The following IL1RAPL2 variants were observed in gnomAD, a reference collection of about 807,000 sequenced individuals.
IL1RAPL2 encodes interleukin 1 receptor accessory protein like 2.
In IL1RAPL2, 3 loss-of-function variants were observed where a neutral mutation model predicts 44.1. The ratio of observed to expected loss-of-function variants is 0.07; its 90% confidence interval spans 0.03 to 0.18. The LOEUF (loss-of-function observed/expected upper bound fraction) is 0.18. Ranked by LOEUF, IL1RAPL2 falls within the 10% of genes least tolerant of loss-of-function variation. IL1RAPL2 has a pLI of 1.00. For synonymous variants in IL1RAPL2, 181 were observed against 178.8 expected (o/e 1.01, Z -0.10); for missense variants, 391 against 496.4 (o/e 0.79, Z 2.02).
intron 2 of IL1RAPL2, among the ~76,000 whole-genome samples, chrX:105,090,299 T>G (rs2032528317): frequency 8.9e-6 from 1 of 111,757 alleles, no homozygotes; most frequent in Admixed American, 9.6e-5. Context: ...CCCACATATA[T>G]GAAAAGTTGG....
chrX:105,314,764 C>T (rs2034824376), intron 5 of IL1RAPL2, among the ~76,000 whole-genome samples: 1 of 111,284 alleles, frequency 9.0e-6, no homozygotes, highest in Non-Finnish European at 1.9e-5. Context: ...TTAAACATAG[C>T]CTGTAGCAAC....
intron 2 of IL1RAPL2, among the ~76,000 whole-genome samples, chrX:105,139,610 A>G (rs2033107591): frequency 9.0e-6 from 1 of 111,586 alleles, no homozygotes; most frequent in South Asian, 3.8e-4. Context: ...CAGGTTGCAA[A>G]TTGCTGGCTT....
chrX:104,580,235 C>T (rs1205942955), intron 1 of IL1RAPL2, among the ~76,000 whole-genome samples: 1 of 112,635 alleles, frequency 8.9e-6, no homozygotes, highest in Admixed American at 9.4e-5. Context: ...TGGCTTCTTA[C>T]ATTGCAAATA....
intron 6 of IL1RAPL2, among the ~76,000 whole-genome samples, chrX:105,529,043 AT>A (rs1239621346): frequency 9.0e-6 from 1 of 111,674 alleles, no homozygotes; most frequent in Non-Finnish European, 1.9e-5. Flanking sequence ...ATTTAAGTTT[AT>A]TTTAAATTGA....
intron 2 of IL1RAPL2, among the ~76,000 whole-genome samples, chrX:105,036,772 T>G (rs1350292590): frequency 8.9e-6 from 1 of 111,753 alleles, no homozygotes; most frequent in Non-Finnish European, 1.9e-5. Flanking sequence ...ATTTAAACTC[T>G]CAACAGTGAT....
intron 2 of IL1RAPL2, among the ~76,000 whole-genome samples, chrX:104,783,220 T>A (rs1288374472): frequency 1.8e-5 from 2 of 111,688 alleles, no homozygotes; most frequent in South Asian, 3.8e-4. Flanking sequence ...TGTAATCTGA[T>A]AGGAGGAGAA....
At chrX:104,745,143 A>G (rs1325917970) in intron 2 of IL1RAPL2, among the ~76,000 whole-genome samples, 1 of 111,903 alleles carries the variant, frequency 8.9e-6, no homozygotes, top group Middle Eastern at 4.2e-3. Flanking sequence ...GGTTGCAAGT[A>G]TGCTTTTAAC....
At chrX:105,422,337 G>A (rs2035779326) in intron 5 of IL1RAPL2, among the ~76,000 whole-genome samples, 1 of 111,685 alleles carries the variant, frequency 9.0e-6, no homozygotes, top group African/African-American at 3.3e-5. Flanking sequence ...TAGGACCCCT[G>A]TACAGGGAAT....
At chrX:105,559,265 T>C (rs1019913865) in intron 6 of IL1RAPL2, among the ~76,000 whole-genome samples, 1 of 111,863 alleles carries the variant, frequency 8.9e-6, no homozygotes, top group Non-Finnish European at 1.9e-5. Flanking sequence ...GGGAGATTCA[T>C]TGAGAGTTTG....
chrX:105,097,746 G>C (rs970695416), intron 2 of IL1RAPL2, among the ~76,000 whole-genome samples: 1 of 111,243 alleles, frequency 9.0e-6, no homozygotes, highest in Non-Finnish European at 1.9e-5. Context: ...TGAATTTTCA[G>C]TGATCTTTTC....
At chrX:105,622,841 T>C (rs1413994153) in intron 6 of IL1RAPL2, among the ~76,000 whole-genome samples, 1 of 111,376 alleles carries the variant, frequency 9.0e-6, no homozygotes, top group Non-Finnish European at 1.9e-5. Flanking sequence ...TGAATACATC[T>C]ACCACTGTCC....
At chrX:104,942,836 A>G (rs968934573) in intron 2 of IL1RAPL2, among the ~76,000 whole-genome samples, 2 of 111,529 alleles carry the variant, frequency 1.8e-5, no homozygotes, top group East Asian at 5.6e-4. Flanking sequence ...TGGGTTTGTC[A>G]TAAATAGCTC....
intron 1 of IL1RAPL2, among the ~76,000 whole-genome samples, chrX:104,654,814 GTTC>G (rs1930222293): frequency 9.0e-6 from 1 of 111,411 alleles, no homozygotes; most frequent in African/African-American, 3.3e-5. Context: ...AGGACAGGAT[GTTC>G]TTCTTCCATT....
chrX:105,212,799 C>T lies in IL1RAPL2; in HGVS notation c.356+17051C>T, dbSNP rs782316351. 4.3e-3 allele frequency among the ~76,000 whole-genome samples: 481 copies of T among 112,284 alleles called. 1 individual carries two copies. Among genetic ancestry groups the T allele is most frequent in the Non-Finnish European group, 4.8e-3 (255 of 53,215 alleles). On this transcript the variant is annotated intron_variant, in intron 3 of 10. Transcript: ENST00000372582. ...AGGAAGGAGCAGGCAGCAATTTTTG[C>T]TGTCCTGCAGCCTCCACTGGTGATA...
At chrX:104,810,456 T>C (rs1024941814) in intron 2 of IL1RAPL2, among the ~76,000 whole-genome samples, 1 of 111,109 alleles carries the variant, frequency 9.0e-6, no homozygotes, top group Non-Finnish European at 1.9e-5. Context: ...AGAAATAATA[T>C]GCATTATTTT....
Position 104,855,600 on chromosome X carries a change from T to TAAATAC in IL1RAPL2, c.82+196610_82+196615dup, listed in dbSNP as rs775954866. On this transcript the variant is annotated intron_variant, in intron 2 of 10. Transcript: ENST00000372582. ...AACAGCACAGGTTTTGAAATCAGTC[T>TAAATAC]AAATACAAATCTCAACTCTGCCACC... 1.8e-4 allele frequency among the ~76,000 whole-genome samples: 20 copies of TAAATAC among 108,797 alleles called. No individual in the cohort carries two copies. In the East Asian group the frequency reaches 5.8e-3, roughly 32 times the overall value. The allele number at this position is 108,797 out of a possible 115,157, so 94.5% of individuals were successfully genotyped here.
intron 2 of IL1RAPL2, among the ~76,000 whole-genome samples, chrX:104,882,209 G>A (rs1254363934): frequency 8.9e-6 from 1 of 111,984 alleles, no homozygotes; most frequent in African/African-American, 3.2e-5. Flanking sequence ...ACAAAAAGTT[G>A]GGGCCTGGCT....
intron 6 of IL1RAPL2, among the ~76,000 whole-genome samples, chrX:105,554,088 A>G (rs911775535): frequency 1.1e-4 from 12 of 111,305 alleles, no homozygotes; most frequent in Non-Finnish European, 2.3e-4. Flanking sequence ...GCTGCCCCAC[A>G]CTCCAGGGCC....
At chrX:105,170,627 A>G (rs2033415015) in intron 2 of IL1RAPL2, among the ~76,000 whole-genome samples, 1 of 111,833 alleles carries the variant, frequency 8.9e-6, no homozygotes, top group Admixed American at 9.5e-5. Context: ...CTTCCCCAAG[A>G]AAACTTAGCT....
Sources: gnomAD v4.1 joint callset for allele counts (sites outside exome capture counted in the v4.1 genomes callset) on GRCh38, gnomAD v4.1.1 for gene constraint, MANE v1.5 for transcripts, NCBI Gene and HGNC (gene_info 2026-07-23, HGNC 2026-07-21) for gene names.